Variants in SETD3 observed in about 807,000 individuals in gnomAD.
SETD3 encodes actin-histidine N-methyltransferase.
In SETD3, 19 loss-of-function variants were observed where a neutral mutation model predicts 63.0. The ratio of observed to expected loss-of-function variants is 0.30; its 90% CI spans 0.21 to 0.44. SETD3 has a LOEUF of 0.44. SETD3 is among the 20% of genes least tolerant of loss of function. SETD3 has a pLI of 1.00. For synonymous variants in SETD3, 286 were observed against 264.1 expected (o/e 1.08, Z -0.80); for missense variants, 587 against 728.5 (o/e 0.81, Z 2.24).
chr14:99,464,188 A>G (rs1895236964), intron 2 of SETD3, among the ~76,000 whole-genome samples: 1 of 152,230 alleles, frequency 6.6e-6, no homozygotes, highest in African/African-American at 2.4e-5. Flanking sequence ...GGCCAGAACC[A>G]AAAGACCAAC....
chr14:99,404,083 T>C (rs1039736979), intron 11 of SETD3, 142 bp downstream of exon 11: 2 of 568,740 alleles, frequency 3.5e-6, no homozygotes, highest in African/African-American at 3.8e-5. Flanking sequence ...CTATTTCTTC[T>C]TTCTCCAGTA....
intron 6 of SETD3, among the ~76,000 whole-genome samples, chr14:99,456,176 A>C (rs956354801): frequency 6.6e-6 from 1 of 152,220 alleles, no homozygotes; most frequent in African/African-American, 2.4e-5. Context: ...AAAAAGTCTG[A>C]TATAAAATAA....
rs538992709 is a variant in SETD3 at position 99,431,987 on chromosome 14, A to G, written c.676-18053T>C. ...TACACAGAGAAGTTTTCATAACACC[A>G]CTTTTTCATCATGATCCATCTTGAA... On this transcript the variant is annotated intron_variant, in intron 6 of 12. Transcript: ENST00000331768. Among the ~76,000 whole-genome samples, 86 of 152,264 alleles carry G rather than the reference A, an allele frequency of 5.6e-4. 1 individual carries two copies. The highest frequency in any genetic ancestry group is 2.4e-3 in the Admixed American group (37 of 15,292).
At chr14:99,439,557 A>G (rs1014058947) in intron 6 of SETD3, among the ~76,000 whole-genome samples, 9 of 149,674 alleles carry the variant, frequency 6.0e-5, no homozygotes, top group African/African-American at 2.2e-4. Context: ...CATTACATAT[A>G]TATTCTGAAA....
Position 99,398,729 on chromosome 14 carries a change from C to G in SETD3, c.1735G>C (p.Glu579Gln). 2.5e-6 allele frequency: 4 copies of G among 1,614,214 alleles called. No homozygotes were observed. The highest frequency in any genetic ancestry group is 3.4e-6 in the Non-Finnish European group (4 of 1,180,048). Residue 579 changes from glutamate (E) to glutamine (Q), a missense_variant, in exon 13 of 13, where the codon GAA becomes CAA. By Grantham distance (29) the Glu-to-Gln change is conservative. Transcript: ENST00000331768. ...TCTGAAGAAGATCCTTTGGCGTCTT[C>G]AACTGCTCTTTTACTTTCTTGATTG... The part of the protein sequence containing the change: ...SLNQESKRAV[E>Q]DAKGSSSDST...
In SETD3 at chr14:99,413,081, T is replaced by A. The variant is rs1892092504; in HGVS notation, c.735-16A>T. 3 of 1,487,408 alleles carry A rather than the reference T, an allele frequency of 2.0e-6. No homozygotes were observed. In the Admixed American group the frequency reaches 5.2e-5, roughly 26 times the overall value. 92.1% of individuals were successfully genotyped at this position (1,487,408 alleles called of 1,614,324 possible). On this transcript the variant is annotated splice_polypyrimidine_tract_variant and intron_variant, in intron 7 of 12. Transcript: ENST00000331768. ...GACTGCCCACCTATAACAAGATAAA[T>A]GGTGACTTAAGGTTGGAACATTTAA...
intron 8 of SETD3, among the ~76,000 whole-genome samples, chr14:99,406,948 C>T (rs897697780): frequency 2.6e-5 from 4 of 152,268 alleles, no homozygotes; most frequent in African/African-American, 9.6e-5. Flanking sequence ...TGCACCTAAG[C>T]CTCCTTTCTG....
intron 6 of SETD3, among the ~76,000 whole-genome samples, chr14:99,431,761 G>T (rs1283187588): frequency 2.0e-5 from 3 of 152,140 alleles, no homozygotes; most frequent in Admixed American, 2.0e-4. Context: ...AAAGTGCTGG[G>T]ATTACAGTAG....
intron 8 of SETD3, among the ~76,000 whole-genome samples, chr14:99,407,275 TC>T (rs541266660): frequency 6.6e-6 from 1 of 151,886 alleles, no homozygotes; most frequent in South Asian, 2.1e-4. Flanking sequence ...CCTTCTAAGC[TC>T]CCCCGTCTTA....
chr14:99,482,579 G>A (rs530789030), upstream of SETD3, among the ~76,000 whole-genome samples: 1 of 152,300 alleles, frequency 6.6e-6, no homozygotes, highest in Non-Finnish European at 1.5e-5. Context: ...CACCGCTGGT[G>A]TCTTTTAGGG....
At chr14:99,463,976 T>C (rs1328038060) in intron 2 of SETD3, among the ~76,000 whole-genome samples, 1 of 152,182 alleles carries the variant, frequency 6.6e-6, no homozygotes, top group Non-Finnish European at 1.5e-5. Context: ...ATAGTAAAAG[T>C]TAATAGTAAA....
chr14:99,427,698 C>T (rs1171278553), intron 6 of SETD3, among the ~76,000 whole-genome samples: 1 of 152,198 alleles, frequency 6.6e-6, no homozygotes, highest in Non-Finnish European at 1.5e-5. Flanking sequence ...CACTGTGTGT[C>T]TGCTGCGTGC....
At chr14:99,444,637 T>C (rs1033352116) in intron 6 of SETD3, among the ~76,000 whole-genome samples, 2 of 152,096 alleles carry the variant, frequency 1.3e-5, no homozygotes, top group Admixed American at 1.3e-4. Context: ...GGCGGGTGGA[T>C]CGCTTGAGCT....
At chr14:99,439,688 ATATG>A (rs1893687719) in intron 6 of SETD3, among the ~76,000 whole-genome samples, 1 of 147,580 alleles carries the variant, frequency 6.8e-6, no homozygotes, top group African/African-American at 2.5e-5. Context: ...TTATATATTT[ATATG>A]TATTTATATT....
In SETD3 at chr14:99,480,831, G is replaced by T; in HGVS notation, c.-112C>A. On this transcript the variant is annotated 5_prime_UTR_variant, in exon 1 of 13. Transcript: ENST00000331768. The stretch of plus-strand genomic sequence containing the variant: ...GGTGGCGGCGGTGGCGGCGGCGGCG[G>T]CCGGACGGGAGGGGCGGGACGGCAG... 1 of 162,308 alleles carries T rather than the reference G, an allele frequency of 6.2e-6. No homozygotes were observed. The highest frequency in any genetic ancestry group is 1.3e-5 in the Non-Finnish European group (1 of 76,780). 10.1% of individuals were successfully genotyped at this position (162,308 alleles called of 1,614,324 possible). A position where few individuals can be genotyped will look rare whatever the true frequency, so the allele number is the denominator to read the frequency against.
intron 2 of SETD3, among the ~76,000 whole-genome samples, chr14:99,464,770 A>G (rs373690981): frequency 6.6e-6 from 1 of 152,260 alleles, no homozygotes; most frequent in Admixed American, 6.5e-5. Context: ...AAATTACACT[A>G]ACTTGCTAAA....
At chr14:99,417,343 G>A (rs989557104) in intron 6 of SETD3, among the ~76,000 whole-genome samples, 2 of 152,134 alleles carry the variant, frequency 1.3e-5, no homozygotes, top group Non-Finnish European at 2.9e-5. Flanking sequence ...AAAACCTGTC[G>A]ATATCTCTGG....
At chr14:99,423,588 CAAAAAAAAAAAAAAA>C (rs536996347) in intron 6 of SETD3, among the ~76,000 whole-genome samples, 2 of 36,902 alleles carry the variant, frequency 5.4e-5, no homozygotes. Flanking sequence ...CACTGTTATG[CAAAAAAAAAAAAAAA>C]AAAAAAAAAA....
upstream of SETD3, among the ~76,000 whole-genome samples, chr14:99,484,155 T>C (rs1164874898): frequency 6.6e-6 from 1 of 152,228 alleles, no homozygotes; most frequent in East Asian, 1.9e-4. Context: ...AGAAAAGCAG[T>C]GTCTAGATTG....
Sources: allele counts gnomAD v4.1 joint callset (sites outside exome capture counted in the v4.1 genomes callset), GRCh38; gene constraint gnomAD v4.1.1; transcripts MANE v1.5; gene names NCBI Gene and HGNC (gene_info 2026-07-23, HGNC 2026-07-21).